Variants in OXR1 observed in about 807,000 individuals in gnomAD.
OXR1 encodes oxidation resistance 1, also known as oxidation resistance protein 1.
In OXR1, 41 loss-of-function variants were observed where a neutral mutation model predicts 104.6. That is an observed-to-expected ratio of 0.39 (90% CI 0.31 to 0.51). The LOEUF (loss-of-function observed/expected upper bound fraction) is 0.51, where lower values mean the gene tolerates loss of function less well. Among genes scored for constraint, OXR1 ranks in the 20% least tolerant of loss-of-function variants. The pLI is 0.77. For missense variants in OXR1, 955 were observed against 1,031.9 expected, an observed-to-expected ratio of 0.93 and a Z score of 1.02; for synonymous variants, 348 against 348.4, an observed-to-expected ratio of 1.00 and a Z score of 0.01.
At chr8:106,337,845 T>C (rs1237572372) in intron 1 of OXR1, among the ~76,000 whole-genome samples, 1 of 152,208 alleles carries the variant, frequency 6.6e-6, no homozygotes, top group Non-Finnish European at 1.5e-5. Flanking sequence ...ATAAGCACTA[T>C]CAGGACAATT....
At chr8:106,551,054 T>A (rs1445441225) in intron 3 of OXR1, among the ~76,000 whole-genome samples, 1 of 152,192 alleles carries the variant, frequency 6.6e-6, no homozygotes, top group Non-Finnish European at 1.5e-5. Context: ...CAGTCCCAAA[T>A]AAATCTTTCC....
chr8:106,435,293 G>A (rs1234032332), intron 2 of OXR1, among the ~76,000 whole-genome samples: 3 of 152,244 alleles, frequency 2.0e-5, no homozygotes, highest in East Asian at 1.9e-4. Context: ...AGCCGATTTC[G>A]AAGAGCTCTC....
intron 1 of OXR1, among the ~76,000 whole-genome samples, chr8:106,332,018 G>A (rs962711275): frequency 4.0e-5 from 6 of 151,402 alleles, no homozygotes; most frequent in Non-Finnish European, 8.9e-5. Context: ...GTGTGTGTGT[G>A]TGTGTGTGTG....
intron 2 of OXR1, among the ~76,000 whole-genome samples, chr8:106,463,166 T>C (rs1462683158): frequency 1.3e-5 from 2 of 152,030 alleles, no homozygotes; most frequent in East Asian, 1.9e-4. Context: ...GAAAAAATTA[T>C]GGGGAGAGAG....
intron 2 of OXR1, among the ~76,000 whole-genome samples, chr8:106,435,106 CG>C (rs1181384409): frequency 4.6e-5 from 7 of 152,082 alleles, no homozygotes; most frequent in African/African-American, 1.7e-4. Context: ...TGCAGACATC[CG>C]GTGACAGACT....
At chr8:106,748,109 C>T (rs1275699032) in intron 16 of OXR1, among the ~76,000 whole-genome samples, 1 of 152,202 alleles carries the variant, frequency 6.6e-6, no homozygotes, top group East Asian at 1.9e-4. Context: ...GTTAGAGTCT[C>T]TAGAAGTCTA....
intron 2 of OXR1, among the ~76,000 whole-genome samples, chr8:106,504,140 C>T (rs1244062618): frequency 2.0e-5 from 3 of 152,140 alleles, no homozygotes; most frequent in Non-Finnish European, 4.4e-5. Flanking sequence ...CCTGTTCCCT[C>T]GTTGGGCTAA....
intron 1 of OXR1, among the ~76,000 whole-genome samples, chr8:106,325,366 G>GT (rs1814426132): frequency 6.6e-6 from 1 of 152,170 alleles, no homozygotes; most frequent in Non-Finnish European, 1.5e-5. Flanking sequence ...TCCTTCGGAA[G>GT]ACTTGCTAGT....
intron 2 of OXR1, among the ~76,000 whole-genome samples, chr8:106,373,815 C>T (rs990853545): frequency 1.3e-5 from 2 of 152,162 alleles, no homozygotes; most frequent in Admixed American, 1.3e-4. Flanking sequence ...GTCTTGAACT[C>T]CTGACCTCAA....
intron 3 of OXR1, among the ~76,000 whole-genome samples, chr8:106,563,000 T>A (rs1816793256): frequency 6.6e-6 from 1 of 152,062 alleles, no homozygotes; most frequent in Non-Finnish European, 1.5e-5. Context: ...AAACCAGTTA[T>A]CAGCCACTGC....
chr8:106,617,594 T>C (rs1178112158), intron 3 of OXR1, among the ~76,000 whole-genome samples: 1 of 152,232 alleles, frequency 6.6e-6, no homozygotes, highest in Non-Finnish European at 1.5e-5. Context: ...GTGTGAACTA[T>C]ATCCATTATG....
chr8:106,580,901 A>G (rs950287810), intron 3 of OXR1: 1 of 785,934 alleles, frequency 1.3e-6, no homozygotes, highest in East Asian at 1.2e-4. Context: ...CAGAAGCTAA[A>G]TATTTTCCTG....
chr8:106,451,164 G>C (rs1820293201), intron 2 of OXR1, among the ~76,000 whole-genome samples: 2 of 152,116 alleles, frequency 1.3e-5, no homozygotes, highest in African/African-American at 4.8e-5. Flanking sequence ...CTCTTGAGGT[G>C]AGGACAAGAA....
intron 3 of OXR1, among the ~76,000 whole-genome samples, chr8:106,656,909 G>C (rs1206774656): frequency 6.6e-6 from 1 of 151,726 alleles, no homozygotes; most frequent in Non-Finnish European, 1.5e-5. Context: ...TGATTTTCAG[G>C]GCTCTATTGT....
intron 2 of OXR1, among the ~76,000 whole-genome samples, chr8:106,417,307 A>G (rs1334747501): frequency 1.3e-5 from 2 of 152,154 alleles, no homozygotes; most frequent in Admixed American, 6.5e-5. Flanking sequence ...ACTATTATGC[A>G]AATGTGACAT....
intron 8 of OXR1, among the ~76,000 whole-genome samples, 163 bp downstream of exon 8, chr8:106,703,253 C>T (rs183078005): frequency 6.6e-6 from 1 of 152,108 alleles, no homozygotes; most frequent in Non-Finnish European, 1.5e-5. Context: ...TCTTAATTTG[C>T]ACCTGGGATA....
At chr8:106,573,380 C>T (rs1019149759) in intron 3 of OXR1, among the ~76,000 whole-genome samples, 4 of 144,492 alleles carry the variant, frequency 2.8e-5, no homozygotes, top group African/African-American at 7.8e-5. Context: ...CACACACACA[C>T]GGAAAGCTTG....
chr8:106,314,255 C>T (rs1487335465), intron 1 of OXR1, among the ~76,000 whole-genome samples: 2 of 152,144 alleles, frequency 1.3e-5, no homozygotes, highest in Non-Finnish European at 1.5e-5. Flanking sequence ...GTAATTTTCA[C>T]TCATTGCAAA....
chr8:106,403,066 C>T (rs573932477), intron 2 of OXR1, among the ~76,000 whole-genome samples: 18 of 152,288 alleles, frequency 1.2e-4, no homozygotes, highest in South Asian at 4.2e-4. Context: ...GTGATCCACC[C>T]GTCTCGGCCT....
Sources: allele counts gnomAD v4.1 joint callset (sites outside exome capture counted in the v4.1 genomes callset), GRCh38; gene constraint gnomAD v4.1.1; transcripts MANE v1.5; gene names NCBI Gene and HGNC (gene_info 2026-07-23, HGNC 2026-07-21).